The following FAM186B variants were observed in gnomAD, a reference collection of about 807,000 sequenced individuals.
The protein encoded by FAM186B is family with sequence similarity 186 member B.
A neutral mutation model predicts 83.4 loss-of-function variants in FAM186B; 68 were observed. The observed-to-expected ratio is 0.81, with a 90% confidence interval of 0.67 to 1.00. The LOEUF (loss-of-function observed/expected upper bound fraction) is 1.00. Among genes scored for constraint, FAM186B ranks in the 50% least tolerant of loss-of-function variants. The pLI is 0.00. For missense variants in FAM186B, 983 were observed against 1,099.2 expected, an observed-to-expected ratio of 0.89 and a Z score of 1.49; for synonymous variants, 389 against 422.0, an observed-to-expected ratio of 0.92 and a Z score of 0.96.
the FAM186B span, among the ~76,000 whole-genome samples, chr12:49,620,347 C>T: frequency 6.6e-6 from 1 of 152,132 alleles, no homozygotes; most frequent in Non-Finnish European, 1.5e-5. Context: ...GTCTTGTGGA[C>T]TGGCTGGCTC....
intron 5 of FAM186B, among the ~76,000 whole-genome samples, chr12:49,596,928 C>T (rs921742111): frequency 1.3e-5 from 2 of 152,182 alleles, no homozygotes; most frequent in South Asian, 4.1e-4. Flanking sequence ...CAGTCGTGCA[C>T]TGCATAACAA....
In FAM186B at chr12:49,600,001, C is replaced by A; in HGVS notation, c.1639G>T (p.Glu547Ter). 6.2e-7 allele frequency: 1 copy of A among 1,612,584 alleles called. No individual in the cohort carries two copies. Among genetic ancestry groups the A allele is most frequent in the Non-Finnish European group, 8.5e-7 (1 of 1,179,370 alleles). ...ACATCCTCCCCTAGCTGCTCTGGCT[C>A]TCTCCGTGGGCTCTCCTGCTCCTTT... Reference protein sequence around the residue: ...LEKEQESPRREPEQLGEDVER... With the variant: ...LEKEQESPRR Residue 547 changes from glutamate (E) to a stop codon, truncating the protein, a stop_gained, in exon 4 of 7, where the codon GAG (glutamate) becomes TAG (stop). Transcript: ENST00000257894. LOFTEE classifies it high-confidence loss of function. This position sits in a 1 kb window ranked among gnomAD's most constrained non-coding sequence, Gnocchi z 4.3.
At chr12:49,584,015 A>G (rs1397231829), downstream of FAM186B, 1 of 159,094 alleles carries the variant, frequency 6.3e-6, no homozygotes, top group Non-Finnish European at 1.4e-5. Flanking sequence ...AGACACGCTC[A>G]CCTTTGCCTC....
At chr12:49,617,154 C>A in the FAM186B span, among the ~76,000 whole-genome samples, 1 of 152,108 alleles carries the variant, frequency 6.6e-6, no homozygotes, top group Non-Finnish European at 1.5e-5. Context: ...ATCGCTAGCC[C>A]GGGAGAGATG....
chr12:49,600,256 G>T lies in FAM186B; in HGVS notation c.1384C>A (p.Gln462Lys), dbSNP rs566685124. ...TGCCTGGAGCTCTCTAGAGACAGCT[G>T]CTTGCTACAGTGGAACTTAATTTGG... ...GLQIKFHCSK[Q>K]LSLESSRQVT... is the part of the protein sequence containing the mutation. The change falls in exon 4 of 7, where the codon CAG (glutamine) becomes AAG (lysine). Residue 462 changes from glutamine (Q) to lysine (K), a missense_variant. Transcript: ENST00000257894. This position sits in a 1 kb window ranked among gnomAD's most constrained non-coding sequence, Gnocchi z 4.3. 3 of 1,614,048 alleles carry T rather than the reference G, an allele frequency of 1.9e-6. No individual in the cohort carries two copies. Among genetic ancestry groups the T allele is most frequent in the Non-Finnish European group, 2.5e-6 (3 of 1,179,960 alleles).
chr12:49,615,363 G>A, the FAM186B span, among the ~76,000 whole-genome samples: 14 of 151,914 alleles, frequency 9.2e-5, no homozygotes, highest in African/African-American at 3.4e-4. Context: ...TGAATTGAAA[G>A]CTACTGACTA....
At chr12:49,589,883 A>C (rs1382599727) in intron 5 of FAM186B, among the ~76,000 whole-genome samples, 1 of 147,376 alleles carries the variant, frequency 6.8e-6, no homozygotes, top group Non-Finnish European at 1.5e-5. Context: ...CGGAAGGCTG[A>C]GGCAGGAAAA....
chr12:49,600,657 G>T lies in FAM186B; in HGVS notation c.983C>A (p.Ala328Glu). The T allele has an allele frequency of 1.2e-6, 2 of 1,614,050 alleles. No homozygotes were observed. Among genetic ancestry groups the T allele is most frequent in the Non-Finnish European group, 1.7e-6 (2 of 1,179,998 alleles). ...AACAGAAACCTCAGCCAGGTCTTCT[G>T]CCTGACCTGTAGCATTCTGAGCCTT... ...LKKAQNATGQ[A>E]EDLAEVSVDS... is the part of the protein sequence containing the mutation. The change falls in exon 4 of 7, where the codon GCA becomes GAA. Residue 328 changes from alanine to glutamate, a missense_variant. Coordinates refer to ENST00000257894, the MANE Select transcript of FAM186B (RefSeq NM_032130.3). This position sits in a 1 kb window ranked among gnomAD's most constrained non-coding sequence, Gnocchi z 4.3.
chr12:49,609,550 G>A (rs551544861), upstream of FAM186B, among the ~76,000 whole-genome samples: 5 of 152,300 alleles, frequency 3.3e-5, no homozygotes, highest in Admixed American at 2.6e-4. Flanking sequence ...CGGAGCATCC[G>A]TTCACATGAA....
intron 5 of FAM186B, among the ~76,000 whole-genome samples, chr12:49,598,153 T>C (rs745404028): frequency 1.3e-5 from 2 of 152,220 alleles, no homozygotes; most frequent in Non-Finnish European, 2.9e-5. Context: ...TGAGGATAGA[T>C]ATTAAGTAAA....
rs1706059910 is a variant in FAM186B at position 49,605,582 on chromosome 12, G to A, written c.-105C>T. The A allele has an allele frequency of 1.2e-5, 15 of 1,261,168 alleles. No individual in the cohort carries two copies. The highest frequency in any genetic ancestry group is 1.5e-5 in the Non-Finnish European group (14 of 914,732). The allele number at this position is 1,261,168 out of a possible 1,614,324, so 78.1% of individuals were successfully genotyped here. On this transcript the variant is annotated 5_prime_UTR_variant, in exon 1 of 7. Coordinates refer to ENST00000257894, the MANE Select transcript of FAM186B (RefSeq NM_032130.3). ...GGTTAAGGGCACCAGGGTGTCTCCT[G>A]GGTACCCTCTGCCCAGGCACAGCTC...
At chr12:49,584,458 G>T (rs754314692), downstream of FAM186B, 7 of 701,114 alleles carry the variant, frequency 1.0e-5, no homozygotes, top group Non-Finnish European at 1.6e-5. Context: ...TCAGAAGGTT[G>T]AGAATCACTG....
At chr12:49,597,399 C>T (rs928476535) in intron 5 of FAM186B, among the ~76,000 whole-genome samples, 2 of 101,288 alleles carry the variant, frequency 2.0e-5, no homozygotes, top group African/African-American at 7.7e-5. Context: ...TATGTGAAAT[C>T]TAAAAAAAAC....
chr12:49,605,151 C>A lies in FAM186B; in HGVS notation c.96+231G>T, dbSNP rs1433048767. On this transcript the variant is annotated intron_variant, in intron 1 of 6. Transcript: ENST00000257894. The stretch of plus-strand genomic sequence containing the variant: ...CAGGGCTATCCTCGAGCTTCCTGCC[C>A]CCTTCCCGGGCCCCAGCCCTGCCTC... 5.1e-6 allele frequency: 7 copies of A among 1,359,920 alleles called. No individual in the cohort carries two copies. The East Asian group carries it at 2.1e-4, about 41-fold the overall frequency. 84.2% of individuals were successfully genotyped at this position (1,359,920 alleles called of 1,614,324 possible).
upstream of FAM186B, among the ~76,000 whole-genome samples, chr12:49,606,104 A>G (rs867523369): frequency 6.6e-6 from 1 of 152,116 alleles, no homozygotes. Flanking sequence ...ATGCTCCCAA[A>G]CAAAACATTA....
chr12:49,583,250 C>T (rs942160763), downstream of FAM186B: 2 of 345,844 alleles, frequency 5.8e-6, no homozygotes, highest in Non-Finnish European at 1.1e-5. Flanking sequence ...AGTCTCATTA[C>T]ATTTATAAAA....
downstream of FAM186B, chr12:49,584,174 C>T (rs899942009): frequency 2.7e-5 from 8 of 298,598 alleles, no homozygotes; most frequent in Non-Finnish European, 4.5e-5. Context: ...TGCCAGGTGC[C>T]AATCACAGCT....
the FAM186B span, among the ~76,000 whole-genome samples, chr12:49,612,832 A>C: frequency 6.6e-6 from 1 of 152,200 alleles, no homozygotes; most frequent in Admixed American, 6.5e-5. Flanking sequence ...TCAACAAGGC[A>C]AAATACTAAC....
chr12:49,605,114 C>G, intron 1 of FAM186B: 1 of 1,232,472 alleles, frequency 8.1e-7, no homozygotes, highest in East Asian at 3.8e-5. Context: ...ACCACACCAC[C>G]ACGATGTGCC....
Sources: allele counts gnomAD v4.1 joint callset (sites outside exome capture counted in the v4.1 genomes callset), GRCh38; gene constraint gnomAD v4.1.1; non-coding constraint Gnocchi (gnomAD v3.1); transcripts MANE v1.5; gene names NCBI Gene and HGNC (gene_info 2026-07-23, HGNC 2026-07-21).